The following FAM83B variants were observed in gnomAD, a reference collection of about 807,000 sequenced individuals.
FAM83B encodes the protein scaffolding CK1 anchoring protein B.
A neutral mutation model predicts 38.8 loss-of-function variants in FAM83B; 26 were observed. The ratio of observed to expected loss-of-function variants is 0.67; its 90% confidence interval spans 0.49 to 0.93. The LOEUF is 0.93. Ranked by LOEUF, FAM83B falls within the 40% of genes least tolerant of loss-of-function variation. The pLI is 0.00. For synonymous variants in FAM83B, 419 were observed against 423.1 expected (o/e 0.99, Z 0.12); for missense variants, 1,237 against 1,197.3 (o/e 1.03, Z -0.49).
intron 1 of FAM83B, among the ~76,000 whole-genome samples, chr6:54,860,337 A>G (rs1771548521): frequency 2.0e-5 from 3 of 152,190 alleles, no homozygotes; most frequent in Admixed American, 2.0e-4. Context: ...GTGCTTAGAG[A>G]GAGCATGAAA....
At chr6:54,880,382 C>A (rs1036554104) in intron 2 of FAM83B, among the ~76,000 whole-genome samples, 1 of 149,878 alleles carries the variant, frequency 6.7e-6, no homozygotes, top group African/African-American at 2.5e-5. Flanking sequence ...AAAATACCTC[C>A]AAAATATTTA....
intron 2 of FAM83B, among the ~76,000 whole-genome samples, chr6:54,898,130 T>G (rs1402970385): frequency 6.6e-6 from 1 of 152,166 alleles, no homozygotes; most frequent in Non-Finnish European, 1.5e-5. Flanking sequence ...ATTGCTGGCT[T>G]AAATAGGCTT....
intron 2 of FAM83B, among the ~76,000 whole-genome samples, chr6:54,916,136 GCTC>G (rs1773032064): frequency 6.6e-6 from 1 of 152,040 alleles, no homozygotes; most frequent in South Asian, 2.1e-4. Flanking sequence ...TAAAGCTTCT[GCTC>G]CTATTCCCCA....
chr6:54,907,980 T>TA (rs1245685733), intron 2 of FAM83B, among the ~76,000 whole-genome samples: 2 of 151,992 alleles, frequency 1.3e-5, no homozygotes, highest in Non-Finnish European at 2.9e-5. Context: ...ACTTAAGGAA[T>TA]AAAAAATTAC....
At chr6:54,933,529 TG>T (rs1773467060) in intron 4 of FAM83B, among the ~76,000 whole-genome samples, 1 of 150,928 alleles carries the variant, frequency 6.6e-6, no homozygotes, top group Non-Finnish European at 1.5e-5. Flanking sequence ...TTCTTAGGAT[TG>T]GGCTGAGTTT....
chr6:54,863,702 T>C (rs1771638461), intron 1 of FAM83B, among the ~76,000 whole-genome samples: 1 of 152,210 alleles, frequency 6.6e-6, no homozygotes, highest in Non-Finnish European at 1.5e-5. Context: ...AGTTAATTTT[T>C]GATATAAATT....
At chr6:54,881,830 T>C (rs1294002983) in intron 2 of FAM83B, among the ~76,000 whole-genome samples, 1 of 152,172 alleles carries the variant, frequency 6.6e-6, no homozygotes, top group Non-Finnish European at 1.5e-5. Context: ...TTGTTACATA[T>C]GTATACATGT....
chr6:54,902,974 G>GA (rs1394534034), intron 2 of FAM83B, among the ~76,000 whole-genome samples: 2 of 151,946 alleles, frequency 1.3e-5, no homozygotes, highest in Non-Finnish European at 2.9e-5. Context: ...TTGATAACTA[G>GA]AAAAAATAGA....
intron 2 of FAM83B, among the ~76,000 whole-genome samples, chr6:54,886,207 G>T (rs576673432): frequency 5.7e-4 from 86 of 151,910 alleles, no homozygotes; most frequent in Non-Finnish European, 1.0e-3. Flanking sequence ...TATGAATTTT[G>T]TGTTTATGTT....
rs367776275 is a variant in FAM83B, at chr6:54,938,182, GT to G, written c.735-1522del. Among the ~76,000 whole-genome samples the G allele has an allele frequency of 3.5e-4, 54 of 152,220 alleles. 1 individual carries two copies. In the East Asian group the frequency reaches 9.4e-3, roughly 27 times the overall value. ...AATGGTCTCCAGTTCCATCCAGGTT[GT>G]TGCAAATGCCATTATTTTGTTCCTT... On this transcript the variant is annotated intron_variant, in intron 4 of 4. Coordinates refer to ENST00000306858, the MANE Select transcript of FAM83B (RefSeq NM_001010872.3).
rs377085448 is a variant in FAM83B at position 54,932,007 on chromosome 6, CTTTT to C, written c.734+4392_734+4395del. Among the ~76,000 whole-genome samples the C allele has an allele frequency of 3.4e-5, 3 of 89,200 alleles. 1 individual carries two copies. Among genetic ancestry groups the C allele is most frequent in the African/African-American group, 1.0e-4 (2 of 19,080 alleles). 58.5% of individuals were successfully genotyped at this position (89,200 alleles called of 152,430 possible). A position where few individuals can be genotyped will look rare whatever the true frequency, so the allele number is the denominator to read the frequency against. ...CAGTTATCACTGGAATTACATAAAA[CTTTT>C]TTTTTTTTTTTTTTTTGAGACGGAG... On this transcript the variant is annotated intron_variant, in intron 4 of 4. Coordinates refer to ENST00000306858, the MANE Select transcript of FAM83B (RefSeq NM_001010872.3).
chr6:54,865,056 A>C lies in FAM83B; in HGVS notation c.-60-5131A>C, dbSNP rs59683760. Among the ~76,000 whole-genome samples, 620 of 152,354 alleles carry C rather than the reference A, an allele frequency of 4.1e-3. 5 individuals carry two copies. The highest frequency in any genetic ancestry group is 0.013 in the African/African-American group (556 of 41,594). On this transcript the variant is annotated intron_variant, in intron 1 of 4. Transcript: ENST00000306858. ...ACTTGGTAATTTAAGTTTATTTAAA[A>C]ATTTTGAAGGTTTCAAAATAAAAGC...
intron 1 of FAM83B, among the ~76,000 whole-genome samples, chr6:54,851,138 C>T (rs1261208503): frequency 4.6e-5 from 7 of 151,034 alleles, no homozygotes; most frequent in Non-Finnish European, 7.4e-5. Flanking sequence ...TTACAGTGTT[C>T]CCCTGTGATT....
intron 2 of FAM83B, among the ~76,000 whole-genome samples, chr6:54,901,451 A>G (rs1314386914): frequency 6.6e-6 from 1 of 152,204 alleles, no homozygotes; most frequent in Non-Finnish European, 1.5e-5. Context: ...CATTATGTTA[A>G]AGAATTTTCT....
In FAM83B at chr6:54,870,870, C is replaced by T. The variant is rs548982783; in HGVS notation, c.444+180C>T. 7.2e-5 allele frequency among the ~76,000 whole-genome samples: 11 copies of T among 152,202 alleles called. No homozygotes were observed. The East Asian group carries it at 2.1e-3, about 29-fold the overall frequency. On this transcript the variant is annotated intron_variant, in intron 2 of 4. Coordinates refer to ENST00000306858, the MANE Select transcript of FAM83B (RefSeq NM_001010872.3). ...GTATTTCCTATATCTTGCATATATC[C>T]AAGAGAGTGGCATTAGGTCTCTGCT...
At chr6:54,916,965 A>G (rs1056361561) in intron 2 of FAM83B, among the ~76,000 whole-genome samples, 7 of 152,314 alleles carry the variant, frequency 4.6e-5, no homozygotes, top group African/African-American at 1.7e-4. Flanking sequence ...TTCTTAGAAG[A>G]CAGTCTCATT....
At chr6:54,879,069 C>G (rs939213303) in intron 2 of FAM83B, among the ~76,000 whole-genome samples, 2 of 152,148 alleles carry the variant, frequency 1.3e-5, no homozygotes, top group African/African-American at 4.8e-5. Context: ...AAGTTGGGAT[C>G]AGGAAGCAGG....
At chr6:54,904,068 T>C (rs1433600786) in intron 2 of FAM83B, among the ~76,000 whole-genome samples, 2 of 152,032 alleles carry the variant, frequency 1.3e-5, no homozygotes, top group African/African-American at 4.8e-5. Context: ...ATTTACTGCT[T>C]ATTTTAAGGC....
intron 2 of FAM83B, among the ~76,000 whole-genome samples, chr6:54,921,408 T>A (rs1773164714): frequency 6.6e-6 from 1 of 151,808 alleles, no homozygotes; most frequent in African/African-American, 2.4e-5. Context: ...GTAAGAAAGA[T>A]AAGTGAAGAA....
Sources: gnomAD v4.1 joint callset for allele counts (sites outside exome capture counted in the v4.1 genomes callset) on GRCh38, gnomAD v4.1.1 for gene constraint, MANE v1.5 for transcripts, NCBI Gene and HGNC (gene_info 2026-07-23, HGNC 2026-07-21) for gene names.